The following ZNF710 variants were observed in gnomAD, a reference collection of about 807,000 sequenced individuals.
The protein encoded by ZNF710 is zinc finger protein 710.
Under a neutral mutation model 50.6 loss-of-function variants are expected in ZNF710, and 13 were observed. The ratio of observed to expected loss-of-function variants is 0.26; its 90% confidence interval spans 0.17 to 0.41. The LOEUF (loss-of-function observed/expected upper bound fraction) is 0.41. Among genes scored for constraint, ZNF710 ranks in the 10% least tolerant of loss-of-function variants. The pLI, the probability that ZNF710 is intolerant of heterozygous loss-of-function variation, is 1.00. For synonymous variants in ZNF710, 383 were observed against 397.0 expected (o/e 0.96, Z 0.42); for missense variants, 721 against 936.6 (o/e 0.77, Z 3.01).
intron 1 of ZNF710, among the ~76,000 whole-genome samples, chr15:90,064,210 A>G (rs575983781): frequency 7.5e-4 from 115 of 152,346 alleles, no homozygotes; most frequent in Non-Finnish European, 1.0e-4. Flanking sequence ...TGCTCTGCAA[A>G]ACTGACAGTG....
intron 1 of ZNF710, among the ~76,000 whole-genome samples, chr15:90,035,048 G>A (rs1291286234): frequency 6.6e-6 from 1 of 152,220 alleles, no homozygotes; most frequent in Non-Finnish European, 1.5e-5. Flanking sequence ...ATAGTACTGG[G>A]ATTTTGGATC....
In ZNF710 at chr15:90,073,060, C is replaced by A; in HGVS notation, c.1459-11C>A. ...ATTGTGTGGCCCTGACCATCACCCC[C>A]CACCCCACAGGGCGTGAAGGAGTTC... On this transcript the variant is annotated splice_polypyrimidine_tract_variant and intron_variant, in intron 2 of 4. Coordinates refer to ENST00000268154, the MANE Select transcript of ZNF710 (RefSeq NM_198526.4). 1 of 1,610,666 alleles carries A rather than the reference C, an allele frequency of 6.2e-7. No individual in the cohort carries two copies. Among genetic ancestry groups the A allele is most frequent in the Non-Finnish European group, 8.5e-7 (1 of 1,177,640 alleles).
chr15:90,068,337 G>A lies in ZNF710; in HGVS notation c.1200G>A (p.Lys400=). Residue 400 remains lysine (K), a synonymous_variant, in exon 2 of 5, where the codon AAG becomes AAA. Transcript: ENST00000268154. The surrounding 1 kb of genome is among the most constrained non-coding windows in gnomAD (Gnocchi z 5.0). ...GCGAGCTCAAGGCCCACGAAGTGAA[G>A]CATGAGAGTGGCCGCTGCCATGTCT... ...YPSELKAHEV[K]HESGRCHVCV... is the part of the protein sequence containing the mutation. The A allele has an allele frequency of 1.2e-6, 2 of 1,612,928 alleles. No individual in the cohort carries two copies. Among genetic ancestry groups the A allele is most frequent in the East Asian group, 2.2e-5 (1 of 44,874 alleles).
In ZNF710 at chr15:90,051,614, C is replaced by T. The variant is rs142891601; in HGVS notation, c.-28-15496C>T. 4.3e-3 allele frequency among the ~76,000 whole-genome samples: 659 copies of T among 152,250 alleles called. 4 individuals carry two copies. Among genetic ancestry groups the T allele is most frequent in the African/African-American group, 0.014 (596 of 41,524 alleles). On this transcript the variant is annotated intron_variant, in intron 1 of 4. Transcript: ENST00000268154. ...CGCCACTGCACTCCAGCCTTGGCGA[C>T]AGAGTGAGACTTTGTCTCAAAATAA...
intron 1 of ZNF710, among the ~76,000 whole-genome samples, chr15:90,003,004 G>T (rs1898053470): frequency 1.3e-5 from 2 of 152,164 alleles, no homozygotes; most frequent in Non-Finnish European, 2.9e-5. Context: ...CTCCCCAATA[G>T]CTGGGACTAC....
chr15:90,003,249 G>A (rs1217116521), intron 1 of ZNF710, among the ~76,000 whole-genome samples: 1 of 152,160 alleles, frequency 6.6e-6, no homozygotes, highest in Non-Finnish European at 1.5e-5. Flanking sequence ...GCTGCAGGCC[G>A]AGTGCCCACC....
chr15:90,061,658 C>G (rs915845031), intron 1 of ZNF710, among the ~76,000 whole-genome samples: 1 of 152,156 alleles, frequency 6.6e-6, no homozygotes, highest in Non-Finnish European at 1.5e-5. Flanking sequence ...TGATCCCACC[C>G]GACCCTCCTC....
chr15:90,073,514 G>C (rs992493469), intron 3 of ZNF710, among the ~76,000 whole-genome samples: 1 of 152,184 alleles, frequency 6.6e-6, no homozygotes, highest in Non-Finnish European at 1.5e-5. Flanking sequence ...CACAGAGAAA[G>C]GACCCCAGCC....
chr15:90,002,118 C>G (rs537777113), intron 1 of ZNF710, among the ~76,000 whole-genome samples: 215 of 151,560 alleles, frequency 1.4e-3, no homozygotes, highest in Middle Eastern at 3.5e-3. Flanking sequence ...GCGCTCCCCC[C>G]ACACCCGGCC....
intron 1 of ZNF710, among the ~76,000 whole-genome samples, chr15:90,037,787 C>T (rs77069367): frequency 0.018 from 2,733 of 152,220 alleles, 90 homozygotes; most frequent in African/African-American, 0.061. Flanking sequence ...TGAGGGATGT[C>T]GGGCTTCTGC....
At chr15:90,063,125 C>T (rs1456081598) in intron 1 of ZNF710, among the ~76,000 whole-genome samples, 1 of 152,130 alleles carries the variant, frequency 6.6e-6, no homozygotes, top group Non-Finnish European at 1.5e-5. Flanking sequence ...TGCAGTTTGC[C>T]CAGGTCGTGC....
intron 1 of ZNF710, among the ~76,000 whole-genome samples, chr15:90,014,438 A>T (rs1404311151): frequency 6.6e-6 from 1 of 151,072 alleles, no homozygotes; most frequent in African/African-American, 2.4e-5. Context: ...GCTACACTAG[A>T]GGCTGAGGTG....
intron 1 of ZNF710, among the ~76,000 whole-genome samples, chr15:90,016,226 C>T (rs1044762043): frequency 6.6e-6 from 1 of 152,070 alleles, no homozygotes; most frequent in Non-Finnish European, 1.5e-5. Flanking sequence ...AAGTCTTTCA[C>T]CTTTGCTCTG....
At chr15:90,069,865 T>G (rs1345573501) in intron 2 of ZNF710, among the ~76,000 whole-genome samples, 1 of 152,092 alleles carries the variant, frequency 6.6e-6, no homozygotes, top group Non-Finnish European at 1.5e-5. Context: ...TTTCAGCCAA[T>G]ATCACCTCCT....
chr15:90,011,596 C>G (rs928929340), intron 1 of ZNF710, among the ~76,000 whole-genome samples: 1 of 152,116 alleles, frequency 6.6e-6, no homozygotes, highest in South Asian at 2.1e-4. Context: ...ACACTTAATC[C>G]TTTGTTTTTA....
rs1483910110 is a variant in ZNF710 at position 90,067,483 on chromosome 15, G to A, written c.346G>A (p.Glu116Lys). The A allele has an allele frequency of 1.2e-6, 2 of 1,613,448 alleles. No homozygotes were observed. Among genetic ancestry groups the A allele is most frequent in the Non-Finnish European group, 8.5e-7 (1 of 1,179,666 alleles). Residue 116 changes from glutamate to lysine, a missense_variant, in exon 2 of 5, where the codon GAG becomes AAG. This residue lies in a region of ZNF710 where 326 missense variants were observed against 347.1 expected (regional missense o/e 0.94). Transcript: ENST00000268154. This position sits in a 1 kb window ranked among gnomAD's most constrained non-coding sequence, Gnocchi z 8.1. Reference protein sequence around the residue: ...VPKVKFEKVEEEEQEVYEVSV... With the variant: ...VPKVKFEKVEKEEQEVYEVSV... ...CAAGGTCAAGTTCGAGAAGGTGGAG[G>A]AGGAGGAACAGGAGGTCTATGAGGT... is the stretch of plus-strand genomic sequence containing the variant.
intron 1 of ZNF710, among the ~76,000 whole-genome samples, chr15:90,012,549 C>T (rs957238038): frequency 2.0e-5 from 3 of 152,038 alleles, no homozygotes; most frequent in African/African-American, 7.2e-5. Flanking sequence ...GGATTACAGG[C>T]GTGAGCCTCC....
intron 1 of ZNF710, among the ~76,000 whole-genome samples, chr15:90,031,026 A>AAAC (rs1386883100): frequency 2.0e-5 from 3 of 150,198 alleles, no homozygotes; most frequent in African/African-American, 7.4e-5. Context: ...CTCAAAAAAA[A>AAAC]AGAAAAAAAA....
chr15:90,010,873 C>G (rs975342900), intron 1 of ZNF710, among the ~76,000 whole-genome samples: 15 of 148,940 alleles, frequency 1.0e-4, no homozygotes, highest in African/African-American at 3.7e-4. Flanking sequence ...TCCTCAGCCT[C>G]TTGAGTAGTT....
Sources: allele counts gnomAD v4.1 joint callset (sites outside exome capture counted in the v4.1 genomes callset), GRCh38; gene constraint gnomAD v4.1.1; regional missense constraint gnomAD v4.1.1; non-coding constraint Gnocchi (gnomAD v3.1); transcripts MANE v1.5; gene names NCBI Gene and HGNC (gene_info 2026-07-23, HGNC 2026-07-21).